Variants in MTCL2 observed in about 807,000 individuals in gnomAD.
MTCL2 encodes microtubule crosslinking factor 2, also known as microtubule cross-linking factor 2.
the MTCL2 span, chr20:36,817,534 C>T: frequency 6.8e-7 from 1 of 1,463,772 alleles, no homozygotes; most frequent in Non-Finnish European, 9.1e-7. Context: ...GAATGATGCA[C>T]ATGCAGAGAG....
At chr20:36,805,907 G>A in the MTCL2 span, 49 of 1,613,648 alleles carry the variant, frequency 3.0e-5, no homozygotes, top group Admixed American at 1.7e-4. Flanking sequence ...AATGCTGAGC[G>A]TTTATCTCCT....
At chr20:36,792,676 G>A in the MTCL2 span, among the ~76,000 whole-genome samples, 7 of 152,284 alleles carry the variant, frequency 4.6e-5, no homozygotes, top group South Asian at 1.5e-3. Flanking sequence ...AAAGCTGCTA[G>A]TTAAGCCATG....
chr20:36,793,143 G>T, the MTCL2 span: 1 of 1,333,170 alleles, frequency 7.5e-7, no homozygotes, highest in Non-Finnish European at 1.0e-6. This position sits in a 1 kb window ranked among gnomAD's most constrained non-coding sequence, Gnocchi z 6.8. Context: ...GATCTCAGGC[G>T]ATCCACCCAC....
At chr20:36,783,762 A>G in the MTCL2 span, 1 of 985,406 alleles carries the variant, frequency 1.0e-6, no homozygotes, top group Non-Finnish European at 1.2e-6. Flanking sequence ...GAAGAAACCA[A>G]CAAACTTAGA....
At chr20:36,807,526 A>C in the MTCL2 span, among the ~76,000 whole-genome samples, 2 of 152,150 alleles carry the variant, frequency 1.3e-5, no homozygotes, top group African/African-American at 2.4e-5. Flanking sequence ...CTCTTCCCTG[A>C]TGTGTTGATG....
At chr20:36,786,732 C>T in the MTCL2 span, 1 of 1,243,892 alleles carries the variant, frequency 8.0e-7, no homozygotes, top group Non-Finnish European at 1.1e-6. Flanking sequence ...GGAACTGAGA[C>T]TCGGCCATAA....
chr20:36,852,313 C>CGGGCCA, the MTCL2 span, among the ~76,000 whole-genome samples: 1 of 142,368 alleles, frequency 7.0e-6, no homozygotes, highest in Non-Finnish European at 1.6e-5. Flanking sequence ...TGCCCGGGCC[C>CGGGCCA]GGGCCACTCA....
the MTCL2 span, among the ~76,000 whole-genome samples, chr20:36,856,877 C>T: frequency 8.5e-4 from 129 of 152,226 alleles, 1 homozygote; most frequent in Admixed American, 2.6e-3. Flanking sequence ...CACGTGTGTG[C>T]GTGTGTCTAG....
chr20:36,820,355 A>G, the MTCL2 span, among the ~76,000 whole-genome samples: 1 of 152,166 alleles, frequency 6.6e-6, no homozygotes, highest in Non-Finnish European at 1.5e-5. Flanking sequence ...AATGAATGAG[A>G]TCACCTAAAG....
At chr20:36,800,345 G>C in the MTCL2 span, among the ~76,000 whole-genome samples, 1 of 152,210 alleles carries the variant, frequency 6.6e-6, no homozygotes, top group Non-Finnish European at 1.5e-5. Flanking sequence ...AATTTGGTTT[G>C]ATGGTGCAAA....
chr20:36,862,973 C>T, the MTCL2 span: 38 of 1,409,524 alleles, frequency 2.7e-5, no homozygotes, highest in South Asian at 4.1e-4. Flanking sequence ...ACGCGCAGTC[C>T]GACACCTCCG....
chr20:36,857,540 C>G, the MTCL2 span, among the ~76,000 whole-genome samples: 2 of 152,082 alleles, frequency 1.3e-5, no homozygotes, highest in African/African-American at 2.4e-5. Flanking sequence ...TTTGTATGTG[C>G]AAGACAGAGT....
At chr20:36,825,503 G>A in the MTCL2 span, among the ~76,000 whole-genome samples, 4 of 152,148 alleles carry the variant, frequency 2.6e-5, no homozygotes, top group Non-Finnish European at 5.9e-5. Flanking sequence ...CACAAGGAGG[G>A]GTGTGACACT....
chr20:36,836,117 A>G, the MTCL2 span, among the ~76,000 whole-genome samples: 5 of 142,006 alleles, frequency 3.5e-5, no homozygotes, highest in Non-Finnish European at 6.0e-5. Flanking sequence ...GAATCTGAAT[A>G]TGCCCGGGAG....
At chr20:36,815,782 C>G in the MTCL2 span, 6 of 1,591,284 alleles carry the variant, frequency 3.8e-6, no homozygotes, top group Non-Finnish European at 5.1e-6. The surrounding 1 kb of genome is among the most constrained non-coding windows in gnomAD (Gnocchi z 5.3). Flanking sequence ...AGCGCCACGT[C>G]CAGCTCGTGC....
the MTCL2 span, among the ~76,000 whole-genome samples, chr20:36,862,329 A>G: frequency 6.6e-6 from 1 of 152,158 alleles, no homozygotes; most frequent in Non-Finnish European, 1.5e-5. Context: ...GGGCAGCTGA[A>G]GGCAGAGATC....
the MTCL2 span, among the ~76,000 whole-genome samples, chr20:36,835,886 C>T: frequency 6.6e-6 from 1 of 152,206 alleles, no homozygotes; most frequent in Non-Finnish European, 1.5e-5. Context: ...GCTCCACCCA[C>T]GGAGGCGCCG....
the MTCL2 span, among the ~76,000 whole-genome samples, chr20:36,846,309 C>G: frequency 6.6e-6 from 1 of 152,312 alleles, no homozygotes; most frequent in Non-Finnish European, 1.5e-5. Flanking sequence ...CACCTCAGAG[C>G]CTTGGGGCCC....
At chr20:36,812,543 T>C in the MTCL2 span, among the ~76,000 whole-genome samples, 1 of 152,208 alleles carries the variant, frequency 6.6e-6, no homozygotes, top group African/African-American at 2.4e-5. Flanking sequence ...CAAACTTCCT[T>C]ATTTCCCTTC....
Sources: gnomAD v4.1 joint callset for allele counts (sites outside exome capture counted in the v4.1 genomes callset) on GRCh38, gnomAD v4.1.1 for gene constraint, Gnocchi (gnomAD v3.1) non-coding constraint, MANE v1.5 for transcripts, NCBI Gene and HGNC (gene_info 2026-07-23, HGNC 2026-07-21) for gene names.